LYST: variants seen among roughly 807,000 people sequenced by gnomAD.
LYST encodes the protein lysosomal-trafficking regulator.
LYST carries 192 observed loss-of-function variants against 413.6 expected under a neutral mutation model. The observed-to-expected ratio is 0.46, with a 90% CI of 0.41 to 0.52. The LOEUF (loss-of-function observed/expected upper bound fraction) is 0.52. Among genes scored for constraint, LYST ranks in the 20% least tolerant of loss-of-function variants. The pLI, the probability that LYST is intolerant of heterozygous loss-of-function variation, is 0.00. For synonymous variants in LYST, 1,525 were observed against 1,567.3 expected, an observed-to-expected ratio of 0.97 and a Z score of 0.64; for missense variants, 3,815 against 4,499.9, an observed-to-expected ratio of 0.85 and a Z score of 4.35.
chr1:235,806,506 C>A lies in LYST; in HGVS notation c.2630G>T (p.Gly877Val), dbSNP rs886046180. ...SPQSLSKFYA[G>V]LKEAYPKRRK... Reference sequence around the variant, plus strand: ...TCTCTTTGGATAAGCTTCTTTGAGGCCAGCATAAAATTTGCTGAGACTCTG... The same window carrying A: ...TCTCTTTGGATAAGCTTCTTTGAGGACAGCATAAAATTTGCTGAGACTCTG... Residue 877 changes from glycine to valine, a missense_variant, in exon 6 of 53, where the codon GGC becomes GTC. By Grantham distance (109) the Gly-to-Val change is moderately radical. Coordinates refer to ENST00000389793, the MANE Select transcript of LYST (RefSeq NM_000081.4). 1.2e-6 allele frequency: 2 copies of A among 1,613,848 alleles called. No individual in the cohort carries two copies. Among genetic ancestry groups the A allele is most frequent in the East Asian group, 2.2e-5 (1 of 44,882 alleles).
intron 10 of LYST, 46 bp downstream of exon 10, chr1:235,800,274 A>C (rs1200142999): frequency 3.2e-6 from 4 of 1,244,014 alleles, no homozygotes; most frequent in Middle Eastern, 1.9e-4. Context: ...TCAACTTTTC[A>C]CATAAAATAA....
intron 38 of LYST, among the ~76,000 whole-genome samples, chr1:235,726,188 G>A (rs560961372): frequency 6.6e-6 from 1 of 152,014 alleles, no homozygotes; most frequent in East Asian, 1.9e-4. Flanking sequence ...GAAGCTCAGA[G>A]CAAATTTAGG....
chr1:235,725,165 G>A (rs2103181081), intron 38 of LYST, among the ~76,000 whole-genome samples: 1 of 152,332 alleles, frequency 6.6e-6, no homozygotes. Context: ...CGGGTGCGGT[G>A]GCTCATGCCT....
chr1:235,744,414 T>G (rs1258920379), intron 29 of LYST, among the ~76,000 whole-genome samples: 1 of 152,134 alleles, frequency 6.6e-6, no homozygotes, highest in Non-Finnish European at 1.5e-5. Flanking sequence ...TAAGTTAAAC[T>G]GCAAAATGAC....
chr1:235,796,431 A>G (rs943244698), intron 10 of LYST, among the ~76,000 whole-genome samples: 5 of 152,240 alleles, frequency 3.3e-5, no homozygotes, highest in African/African-American at 9.6e-5. Context: ...TAATCAAAAC[A>G]TGAATCACCA....
chr1:235,812,873 G>C, intron 4 of LYST, 98 bp downstream of exon 4: 1 of 758,614 alleles, frequency 1.3e-6, no homozygotes, highest in South Asian at 1.5e-5. Flanking sequence ...ATAACATATA[G>C]TGTTCTGAAT....
intron 3 of LYST, among the ~76,000 whole-genome samples, chr1:235,821,974 A>T (rs1189623499): frequency 1.3e-5 from 2 of 152,212 alleles, no homozygotes; most frequent in Non-Finnish European, 2.9e-5. Flanking sequence ...TTCTGCACAA[A>T]GCAGAGAGGG....
intron 30 of LYST, among the ~76,000 whole-genome samples, chr1:235,743,025 T>C (rs933690852): frequency 6.6e-6 from 1 of 150,912 alleles, no homozygotes; most frequent in East Asian, 1.9e-4. Context: ...CATAGGTATG[T>C]ATGTATGTGA....
intron 1 of LYST, among the ~76,000 whole-genome samples, chr1:235,835,125 C>T (rs1261256299): frequency 2.6e-5 from 4 of 151,872 alleles, no homozygotes; most frequent in Non-Finnish European, 5.9e-5. Flanking sequence ...CCACATTGGC[C>T]AGGCTGGTCT....
chr1:235,840,844 A>C (rs1677123843), intron 1 of LYST, among the ~76,000 whole-genome samples: 1 of 152,240 alleles, frequency 6.6e-6, no homozygotes, highest in South Asian at 2.1e-4. Flanking sequence ...AGAATAATAT[A>C]ATTTTATTAA....
At chr1:235,878,918 T>G (rs368491155) in intron 1 of LYST, among the ~76,000 whole-genome samples, 2 of 152,178 alleles carry the variant, frequency 1.3e-5, no homozygotes, top group African/African-American at 4.8e-5. Context: ...GGGGTGCAAG[T>G]GCAATTGTAT....
chr1:235,739,307 C>T (rs1023628019), intron 31 of LYST, among the ~76,000 whole-genome samples: 5 of 152,194 alleles, frequency 3.3e-5, no homozygotes, highest in African/African-American at 1.2e-4. Flanking sequence ...CAATGCTGCA[C>T]ATGCTGCAGT....
intron 16 of LYST, among the ~76,000 whole-genome samples, chr1:235,778,397 C>T (rs763767750): frequency 2.0e-5 from 3 of 151,760 alleles, no homozygotes; most frequent in Non-Finnish European, 2.9e-5. Flanking sequence ...TTTTCCGAGA[C>T]GGAGTCTTGC....
At chr1:235,724,616 G>T (rs1296716858) in intron 38 of LYST, among the ~76,000 whole-genome samples, 2 of 147,374 alleles carry the variant, frequency 1.4e-5, no homozygotes, top group Non-Finnish European at 2.9e-5. Flanking sequence ...AATGTATAAT[G>T]ACATGTATCC....
chr1:235,738,608 A>T (rs1254757322), intron 31 of LYST: 1 of 1,608,774 alleles, frequency 6.2e-7, no homozygotes, highest in African/African-American at 1.3e-5. Flanking sequence ...TATGGAGTAA[A>T]GCAAATGTTA....
chr1:235,825,030 A>G (rs943018625), intron 3 of LYST, among the ~76,000 whole-genome samples: 2 of 151,982 alleles, frequency 1.3e-5, no homozygotes, highest in Non-Finnish European at 2.9e-5. Flanking sequence ...CAAAAAAAAG[A>G]AAACAACAAC....
intron 1 of LYST, among the ~76,000 whole-genome samples, chr1:235,881,318 A>G (rs1218304160): frequency 6.6e-6 from 1 of 152,230 alleles, no homozygotes; most frequent in Non-Finnish European, 1.5e-5. Flanking sequence ...TTCTTTGCAG[A>G]GTCTTTGCTG....
At position 235,668,073 on chromosome 1, in the gene LYST, C is replaced by T. The variant is rs185667536; in HGVS notation, c.11039-3452G>A. ...GTTTGGATAATAATAAGAAAAAAGT[C>T]TGTACATACTAAGTACAGATGCAAC... On this transcript the variant is annotated intron_variant, in intron 50 of 52. Transcript: ENST00000389793. 4.1e-4 allele frequency among the ~76,000 whole-genome samples: 62 copies of T among 152,246 alleles called. No homozygotes were observed. In the East Asian group the frequency reaches 0.011, roughly 28 times the overall value.
At chr1:235,712,792 A>C in intron 42 of LYST, 2 of 984,784 alleles carry the variant, frequency 2.0e-6, no homozygotes, top group Non-Finnish European at 2.4e-6. Context: ...AAAAATAAGC[A>C]TAGTCACTCT....
Sources: allele counts gnomAD v4.1 joint callset (sites outside exome capture counted in the v4.1 genomes callset), GRCh38; gene constraint gnomAD v4.1.1; transcripts MANE v1.5; gene names NCBI Gene and HGNC (gene_info 2026-07-23, HGNC 2026-07-21).